Variants in ZFYVE9 observed in about 807,000 individuals in gnomAD.
ZFYVE9 encodes the protein zinc finger FYVE-type containing 9.
In ZFYVE9, 43 loss-of-function variants were observed where a neutral mutation model predicts 126.7. The observed-to-expected ratio is 0.34, with a 90% confidence interval of 0.27 to 0.44. The LOEUF (loss-of-function observed/expected upper bound fraction) is 0.44, where lower values mean the gene tolerates loss of function less well. Ranked by LOEUF, ZFYVE9 falls within the 20% of genes least tolerant of loss-of-function variation. The pLI is 1.00. For missense variants in ZFYVE9, 1,476 were observed against 1,697.0 expected, an observed-to-expected ratio of 0.87 and a Z score of 2.29; for synonymous variants, 521 against 597.4, an observed-to-expected ratio of 0.87 and a Z score of 1.87.
chr1:52,210,056 GA>G (rs774193548), intron 1 of ZFYVE9, among the ~76,000 whole-genome samples: 12 of 152,258 alleles, frequency 7.9e-5, no homozygotes, highest in Admixed American at 2.0e-4. Flanking sequence ...GGATGGATTT[GA>G]AAGATTTAAG....
intron 7 of ZFYVE9, among the ~76,000 whole-genome samples, chr1:52,273,030 G>A (rs1210363998): frequency 6.6e-6 from 1 of 151,736 alleles, no homozygotes; most frequent in Non-Finnish European, 1.5e-5. Context: ...GTTTTGAGAC[G>A]GAGTTTTGTT....
chr1:52,153,865 C>T (rs1163052294), intron 1 of ZFYVE9, among the ~76,000 whole-genome samples: 7 of 152,182 alleles, frequency 4.6e-5, no homozygotes, highest in South Asian at 4.1e-4. Flanking sequence ...ATTTCCCTTT[C>T]CACTTCTTGG....
chr1:52,328,580 T>C (rs1646312942), intron 13 of ZFYVE9, among the ~76,000 whole-genome samples: 1 of 152,256 alleles, frequency 6.6e-6, no homozygotes, highest in African/African-American at 2.4e-5. Context: ...GCTAATTTAT[T>C]CAGAATGTCT....
intron 1 of ZFYVE9, among the ~76,000 whole-genome samples, chr1:52,182,473 CAT>C (rs760444531): frequency 8.5e-5 from 13 of 152,128 alleles, no homozygotes; most frequent in Non-Finnish European, 1.0e-4. Context: ...CTCTCTGAAA[CAT>C]GTGCTGTGTC....
chr1:52,293,727 T>G, intron 11 of ZFYVE9, 50 bp downstream of exon 11: 1 of 1,513,444 alleles, frequency 6.6e-7, no homozygotes, highest in South Asian at 1.2e-5. Context: ...AAATAATGCC[T>G]GAAATATTCA....
chr1:52,181,286 G>A (rs1158968440), intron 1 of ZFYVE9, among the ~76,000 whole-genome samples: 1 of 152,226 alleles, frequency 6.6e-6, no homozygotes, highest in Non-Finnish European at 1.5e-5. Context: ...GGTTTCGCTG[G>A]GTTGGCCGGG....
intron 1 of ZFYVE9, among the ~76,000 whole-genome samples, chr1:52,179,233 A>G (rs759583559): frequency 1.8e-4 from 28 of 152,326 alleles, no homozygotes; most frequent in Middle Eastern, 3.4e-3. Flanking sequence ...AAGACATACT[A>G]GGTTTTAGGG....
At chr1:52,304,252 A>ATATT (rs911720696) in intron 13 of ZFYVE9, among the ~76,000 whole-genome samples, 46 of 151,708 alleles carry the variant, frequency 3.0e-4, no homozygotes, top group Non-Finnish European at 3.8e-4. Flanking sequence ...CCTACTATAA[A>ATATT]TATTTATTTA....
chr1:52,234,230 A>G (rs548490697), intron 3 of ZFYVE9, among the ~76,000 whole-genome samples: 114 of 152,292 alleles, frequency 7.5e-4, no homozygotes, highest in Non-Finnish European at 1.3e-3. Flanking sequence ...CAAGTTTACA[A>G]AGTGGTATAT....
At chr1:52,256,996 T>G (rs1331447715) in intron 4 of ZFYVE9, among the ~76,000 whole-genome samples, 1 of 152,236 alleles carries the variant, frequency 6.6e-6, no homozygotes, top group Non-Finnish European at 1.5e-5. Context: ...TTGCATTTTC[T>G]AATTTGGAAA....
intron 18 of ZFYVE9, chr1:52,345,791 C>A (rs754402070): frequency 1.6e-5 from 5 of 312,012 alleles, no homozygotes; most frequent in Non-Finnish European, 2.9e-5. Context: ...TACTCCATAC[C>A]TTTTTACACA....
At chr1:52,185,352 G>A (rs539492819) in intron 1 of ZFYVE9, among the ~76,000 whole-genome samples, 1 of 152,264 alleles carries the variant, frequency 6.6e-6, no homozygotes, top group African/African-American at 2.4e-5. Context: ...CATGCTAAAA[G>A]ATTGTAAATT....
intron 3 of ZFYVE9, among the ~76,000 whole-genome samples, chr1:52,233,671 G>C (rs981465273): frequency 6.6e-6 from 1 of 152,208 alleles, no homozygotes; most frequent in Non-Finnish European, 1.5e-5. Context: ...GTTCTATATT[G>C]ATTGCCCAAT....
At chr1:52,171,555 G>T (rs1470407272) in intron 1 of ZFYVE9, among the ~76,000 whole-genome samples, 1 of 152,144 alleles carries the variant, frequency 6.6e-6, no homozygotes, top group African/African-American at 2.4e-5. Flanking sequence ...TCTAGTTCTA[G>T]ATCCCTGAGG....
intron 10 of ZFYVE9, 84 bp downstream of exon 10, chr1:52,281,900 T>C: frequency 1.3e-6 from 2 of 1,514,880 alleles, no homozygotes; most frequent in Non-Finnish European, 1.8e-6. Context: ...TAGTCTTAAC[T>C]TTGGACTTAA....
chr1:52,211,579 C>A (rs909143490), intron 1 of ZFYVE9, among the ~76,000 whole-genome samples: 1 of 152,128 alleles, frequency 6.6e-6, no homozygotes, highest in Admixed American at 6.5e-5. Context: ...TACCTGCAGT[C>A]GTAGCTACTC....
intron 13 of ZFYVE9, among the ~76,000 whole-genome samples, chr1:52,329,747 T>C (rs1646322789): frequency 6.6e-6 from 1 of 151,632 alleles, no homozygotes. Context: ...CTACTAAAAA[T>C]ACAAAAAATT....
At position 52,332,788 on chromosome 1, in the gene ZFYVE9, G is replaced by A; in HGVS notation, c.3459G>A (p.Lys1153=). 1 of 1,614,014 alleles carries A rather than the reference G, an allele frequency of 6.2e-7. No individual in the cohort carries two copies. Among genetic ancestry groups the A allele is most frequent in the East Asian group, 2.2e-5 (1 of 44,880 alleles). Residue 1153 remains lysine, a synonymous_variant, in exon 14 of 19, where the codon AAG becomes AAA. Coordinates refer to ENST00000287727, the MANE Select transcript of ZFYVE9 (RefSeq NM_004799.4). The part of the protein sequence containing the change: ...RYNEMMKAMN[K]SNEHVLAGGA... ...TGCAGATGATGAAAGCCATGAACAAGTCCAATGAGCATGTCCTGGCAGGAG... is the reference window on the plus strand; with the variant it reads ...TGCAGATGATGAAAGCCATGAACAAATCCAATGAGCATGTCCTGGCAGGAG...
chr1:52,345,950 AGCC>A, intron 18 of ZFYVE9, 107 bp from the exon 19 acceptor site: 1 of 1,156,716 alleles, frequency 8.6e-7, no homozygotes, highest in Non-Finnish European at 1.2e-6. Flanking sequence ...CCATATGTTT[AGCC>A]TATGGCCAAA....
Sources: allele counts gnomAD v4.1 joint callset (sites outside exome capture counted in the v4.1 genomes callset), GRCh38; gene constraint gnomAD v4.1.1; transcripts MANE v1.5; gene names NCBI Gene and HGNC (gene_info 2026-07-23, HGNC 2026-07-21).